Variants in PPP4R4 observed in about 807,000 individuals in gnomAD.
The protein encoded by PPP4R4 is protein phosphatase 4 regulatory subunit 4.
A neutral mutation model predicts 121.8 loss-of-function variants in PPP4R4; 70 were observed. That is an observed-to-expected ratio of 0.57 (90% confidence interval 0.47 to 0.70). The LOEUF (loss-of-function observed/expected upper bound fraction) is 0.70, where lower values mean the gene tolerates loss of function less well. PPP4R4 is among the 30% of genes least tolerant of loss of function. The pLI is 0.00. For missense variants in PPP4R4, 875 were observed against 1,033.6 expected, an observed-to-expected ratio of 0.85 and a Z score of 2.10; for synonymous variants, 348 against 355.7, an observed-to-expected ratio of 0.98 and a Z score of 0.24.
intron 2 of PPP4R4, among the ~76,000 whole-genome samples, chr14:94,178,755 C>T (rs1048334521): frequency 1.3e-5 from 2 of 152,180 alleles, no homozygotes; most frequent in African/African-American, 4.8e-5. Flanking sequence ...TGAAGCAAAA[C>T]AACTTTCCTA....
Position 94,245,568 on chromosome 14 carries a change from T to C in PPP4R4, c.1345-19T>C. ...AACATAGTAATCACTATAACAGTAA[T>C]CAATATCTCTGTTAAAAGGTACTAG... is the stretch of plus-strand genomic sequence containing the variant. On this transcript the variant is annotated intron_variant, in intron 12 of 24. Coordinates refer to ENST00000304338, the MANE Select transcript of PPP4R4 (RefSeq NM_058237.2). 2.9e-6 allele frequency: 4 copies of C among 1,394,526 alleles called. No homozygotes were observed. The highest frequency in any genetic ancestry group is 4.0e-6 in the Non-Finnish European group (4 of 1,001,718). 86.4% of individuals were successfully genotyped at this position (1,394,526 alleles called of 1,614,324 possible). A position where few individuals can be genotyped will look rare whatever the true frequency, so the allele number is the denominator to read the frequency against.
At chr14:94,198,896 G>T (rs1481250070) in intron 2 of PPP4R4, among the ~76,000 whole-genome samples, 1 of 152,142 alleles carries the variant, frequency 6.6e-6, no homozygotes, top group East Asian at 1.9e-4. Context: ...AGTATTGCAC[G>T]ACATTGTCTG....
intron 9 of PPP4R4, 150 bp from the exon 10 acceptor site, chr14:94,241,638 A>C: frequency 1.5e-5 from 9 of 584,982 alleles, no homozygotes; most frequent in South Asian, 2.6e-5. Context: ...CCTAACAGAT[A>C]CTCTTTTCAT....
intron 2 of PPP4R4, among the ~76,000 whole-genome samples, chr14:94,207,248 T>C (rs2139446954): frequency 6.6e-6 from 1 of 152,170 alleles, no homozygotes; most frequent in East Asian, 1.9e-4. Context: ...TTCTCTTTTT[T>C]TGATCCTCTC....
At chr14:94,197,916 T>C (rs1404015383) in intron 2 of PPP4R4, among the ~76,000 whole-genome samples, 1 of 152,242 alleles carries the variant, frequency 6.6e-6, no homozygotes, top group African/African-American at 2.4e-5. Context: ...TATATCACTG[T>C]ATGGAATATA....
intron 3 of PPP4R4, 48 bp from the exon 4 acceptor site, chr14:94,230,539 T>C: frequency 6.6e-7 from 1 of 1,514,124 alleles, no homozygotes; most frequent in Non-Finnish European, 9.0e-7. Flanking sequence ...AAATTATAAT[T>C]TGTGATCTCT....
intron 2 of PPP4R4, among the ~76,000 whole-genome samples, chr14:94,194,694 C>A (rs570405911): frequency 6.6e-6 from 1 of 152,042 alleles, no homozygotes; most frequent in South Asian, 2.1e-4. Context: ...AATGCCTGGG[C>A]CTGAGCTGGA....
chr14:94,278,932 C>T lies in PPP4R4; in HGVS notation c.*289C>T. 1 of 211,306 alleles carries T rather than the reference C, an allele frequency of 4.7e-6. No homozygotes were observed. Among genetic ancestry groups the T allele is most frequent in the Non-Finnish European group, 9.4e-6 (1 of 106,806 alleles). The allele number at this position is 211,306 out of a possible 1,614,324, so 13.1% of individuals were successfully genotyped here. ...AAACATCTCTAGGAATGTGCTTTAA[C>T]CACTGCTGCAAAAGAGACAAGTCTG... On this transcript the variant is annotated 3_prime_UTR_variant, in exon 25 of 25. Coordinates refer to ENST00000304338, the MANE Select transcript of PPP4R4 (RefSeq NM_058237.2).
At chr14:94,174,977 C>A (rs1447083377) in intron 1 of PPP4R4, among the ~76,000 whole-genome samples, 2 of 145,468 alleles carry the variant, frequency 1.4e-5, no homozygotes, top group African/African-American at 2.5e-5. Flanking sequence ...CCTTCCGCCC[C>A]CCCCCCCCAA....
intron 2 of PPP4R4, among the ~76,000 whole-genome samples, chr14:94,192,023 C>T (rs1049657656): frequency 2.6e-5 from 4 of 151,994 alleles, no homozygotes; most frequent in African/African-American, 9.7e-5. Context: ...TAGAAATATA[C>T]CGCTCATATA....
chr14:94,195,709 G>T (rs929182672), intron 2 of PPP4R4, among the ~76,000 whole-genome samples: 1 of 151,798 alleles, frequency 6.6e-6, no homozygotes, highest in African/African-American at 2.4e-5. Context: ...GAGTAGAGGG[G>T]AGGGGAAGGG....
At chr14:94,273,412 A>G (rs1894451465) in intron 23 of PPP4R4, among the ~76,000 whole-genome samples, 1 of 152,204 alleles carries the variant, frequency 6.6e-6, no homozygotes, top group African/African-American at 2.4e-5. Flanking sequence ...GGAGAAGATG[A>G]AACTATGGAG....
intron 2 of PPP4R4, among the ~76,000 whole-genome samples, chr14:94,191,528 T>G (rs1441727150): frequency 6.6e-6 from 1 of 152,144 alleles, no homozygotes; most frequent in Non-Finnish European, 1.5e-5. Flanking sequence ...TCTAGCTATT[T>G]GAAAATATAC....
At chr14:94,276,091 T>G (rs1894624581) in intron 24 of PPP4R4, among the ~76,000 whole-genome samples, 1 of 152,148 alleles carries the variant, frequency 6.6e-6, no homozygotes, top group South Asian at 2.1e-4. Context: ...CTTAAATATT[T>G]AAGAGAGGGG....
intron 24 of PPP4R4, 70 bp downstream of exon 24, chr14:94,275,591 C>T: frequency 1.3e-6 from 2 of 1,510,046 alleles, no homozygotes; most frequent in Non-Finnish European, 1.8e-6. Flanking sequence ...TTCCTTCCCA[C>T]TTAAGTACTT....
chr14:94,231,884 T>C (rs1892057892), intron 5 of PPP4R4, among the ~76,000 whole-genome samples: 6 of 152,168 alleles, frequency 3.9e-5, no homozygotes, highest in Admixed American at 3.9e-4. Flanking sequence ...TTATCAGCAA[T>C]AGTGTTTCTG....
At chr14:94,230,066 G>T (rs1891928870) in intron 3 of PPP4R4, among the ~76,000 whole-genome samples, 1 of 152,072 alleles carries the variant, frequency 6.6e-6, no homozygotes, top group South Asian at 2.1e-4. Flanking sequence ...TTTGAAAACA[G>T]TTTACTTCAT....
At chr14:94,227,254 A>G (rs1410817397) in intron 3 of PPP4R4, 4 of 1,546,136 alleles carry the variant, frequency 2.6e-6, no homozygotes, top group East Asian at 2.2e-5. Context: ...CACTTAAGCA[A>G]TAGAGGAATT....
intron 3 of PPP4R4, among the ~76,000 whole-genome samples, chr14:94,220,666 G>T (rs923101461): frequency 6.6e-6 from 1 of 152,128 alleles, no homozygotes; most frequent in Non-Finnish European, 1.5e-5. Flanking sequence ...GATACTTAGA[G>T]ATAAATCTGG....
Sources: allele counts gnomAD v4.1 joint callset (sites outside exome capture counted in the v4.1 genomes callset), GRCh38; gene constraint gnomAD v4.1.1; transcripts MANE v1.5; gene names NCBI Gene and HGNC (gene_info 2026-07-23, HGNC 2026-07-21).